The following PPP1R12A variants were observed in gnomAD, a reference collection of about 807,000 sequenced individuals.
PPP1R12A encodes protein phosphatase 1 regulatory subunit 12A, also known as myosin binding subunit.
PPP1R12A carries 19 observed loss-of-function variants against 139.6 expected under a neutral mutation model. That is an observed-to-expected ratio of 0.14 (90% CI 0.09 to 0.20). The LOEUF (loss-of-function observed/expected upper bound fraction) is 0.20, where lower values mean the gene tolerates loss of function less well. PPP1R12A is among the 10% of genes least tolerant of loss of function. The pLI is 1.00. For missense variants in PPP1R12A, 925 were observed against 1,211.5 expected, an observed-to-expected ratio of 0.76 and a Z score of 3.51; for synonymous variants, 427 against 420.6, an observed-to-expected ratio of 1.02 and a Z score of -0.19.
At chr12:79,799,315 A>AT (rs1208806713) in intron 14 of PPP1R12A, among the ~76,000 whole-genome samples, 1 of 151,944 alleles carries the variant, frequency 6.6e-6, no homozygotes, top group Non-Finnish European at 1.5e-5. Flanking sequence ...CGCCCGACTA[A>AT]TTTTTTTATT....
chr12:79,792,053 G>T (rs999575845), intron 19 of PPP1R12A, among the ~76,000 whole-genome samples: 1 of 152,044 alleles, frequency 6.6e-6, no homozygotes, highest in South Asian at 2.1e-4. Context: ...CTATGGTATT[G>T]TAAAGTTCAC....
intron 1 of PPP1R12A, among the ~76,000 whole-genome samples, chr12:79,885,579 A>T (rs1341738866): frequency 6.6e-6 from 1 of 152,134 alleles, no homozygotes; most frequent in Non-Finnish European, 1.5e-5. Context: ...GCCCTAAGAA[A>T]ATCTTAGGGA....
intron 3 of PPP1R12A, among the ~76,000 whole-genome samples, chr12:79,834,542 G>C (rs776290943): frequency 2.3e-4 from 35 of 152,172 alleles, no homozygotes; most frequent in Non-Finnish European, 4.3e-4. Context: ...GGCTTACCAA[G>C]AGAATTTGCT....
intron 24 of PPP1R12A, chr12:79,777,451 C>T (rs1459994194): frequency 7.1e-6 from 7 of 984,976 alleles, no homozygotes; most frequent in African/African-American, 5.2e-5. Flanking sequence ...TGAGCTCTTA[C>T]AAAACACGCC....
At chr12:79,905,536 A>G (rs1020090318) in intron 1 of PPP1R12A, among the ~76,000 whole-genome samples, 20 of 152,196 alleles carry the variant, frequency 1.3e-4, no homozygotes, top group Admixed American at 1.2e-3. Context: ...TGTTCTTTTC[A>G]GTTGCCTTCC....
chr12:79,832,454 C>G lies in PPP1R12A; in HGVS notation c.525G>C (p.Arg175=). The G allele has an allele frequency of 6.2e-7, 1 of 1,612,140 alleles. No homozygotes were observed. The change falls in exon 4 of 25, where the codon CGG becomes CGC. Residue 175 remains arginine, a synonymous_variant. Transcript: ENST00000450142. ...ACTGCCTGGCATCTCTAAGCATGAT[C>G]CGTTCTTCTTCCTTTCGAGCTGCTT... ...DIEAARKEEE[R]IMLRDARQWL... is the part of the protein sequence containing the mutation.
intron 1 of PPP1R12A, among the ~76,000 whole-genome samples, chr12:79,874,599 T>A (rs557709906): frequency 6.6e-6 from 1 of 152,178 alleles, no homozygotes; most frequent in African/African-American, 2.4e-5. Context: ...TTAATACATA[T>A]AACCTGCAGA....
intron 2 of PPP1R12A, among the ~76,000 whole-genome samples, chr12:79,852,591 T>C (rs1880184486): frequency 6.6e-6 from 1 of 152,174 alleles, no homozygotes; most frequent in African/African-American, 2.4e-5. Flanking sequence ...TTGATTTTGC[T>C]CCAGCAGATG....
intron 8 of PPP1R12A, chr12:79,818,644 A>C (rs573953126): frequency 7.9e-5 from 12 of 152,326 alleles, no homozygotes; most frequent in Non-Finnish European, 1.8e-4. Flanking sequence ...AAAGAACCCT[A>C]AAAGCAAAAA....
intron 1 of PPP1R12A, among the ~76,000 whole-genome samples, chr12:79,873,370 G>T (rs1289870571): frequency 6.6e-6 from 1 of 151,798 alleles, no homozygotes; most frequent in Non-Finnish European, 1.5e-5. Flanking sequence ...TTGTTGACAT[G>T]TACACGTGAT....
At chr12:79,851,884 T>C (rs1023898367) in intron 2 of PPP1R12A, among the ~76,000 whole-genome samples, 2 of 152,226 alleles carry the variant, frequency 1.3e-5, no homozygotes, top group African/African-American at 4.8e-5. Flanking sequence ...GTCATTCTTC[T>C]ATTTCCTCCA....
intron 1 of PPP1R12A, among the ~76,000 whole-genome samples, chr12:79,919,340 A>G (rs1887252871): frequency 6.6e-6 from 1 of 151,952 alleles, no homozygotes; most frequent in Non-Finnish European, 1.5e-5. Flanking sequence ...GCGGATCACG[A>G]GGTCAGGAGT....
upstream of PPP1R12A, chr12:79,935,458 C>G (rs1043362859): frequency 2.0e-6 from 2 of 987,742 alleles, no homozygotes; most frequent in African/African-American, 3.5e-5. Flanking sequence ...GCAGATCTGC[C>G]TCCCGTGCTG....
intron 24 of PPP1R12A, chr12:79,777,735 T>G: frequency 1.9e-5 from 15 of 772,552 alleles, no homozygotes; most frequent in Non-Finnish European, 2.0e-5. Flanking sequence ...TCACAGGTAA[T>G]TTTTTAAAAA....
At chr12:79,792,901 C>T (rs990743131) in intron 19 of PPP1R12A, among the ~76,000 whole-genome samples, 6 of 152,138 alleles carry the variant, frequency 3.9e-5, no homozygotes, top group Non-Finnish European at 8.8e-5. Context: ...AACCAATTCA[C>T]TCCTCATTGT....
intron 9 of PPP1R12A, among the ~76,000 whole-genome samples, chr12:79,816,341 G>A (rs1381736335): frequency 2.0e-5 from 3 of 151,974 alleles, no homozygotes. Context: ...CTTGTACTAG[G>A]AGATACATAC....
intron 5 of PPP1R12A, among the ~76,000 whole-genome samples, chr12:79,824,483 C>T (rs541340255): frequency 6.6e-6 from 1 of 152,262 alleles, no homozygotes; most frequent in South Asian, 2.1e-4. Flanking sequence ...AATTGGATCA[C>T]TCTACTAACC....
At chr12:79,889,542 C>T (rs879057601) in intron 1 of PPP1R12A, among the ~76,000 whole-genome samples, 1 of 152,106 alleles carries the variant, frequency 6.6e-6, no homozygotes, top group Non-Finnish European at 1.5e-5. Context: ...TGGTTTACAA[C>T]ATTTGTACTG....
intron 1 of PPP1R12A, among the ~76,000 whole-genome samples, chr12:79,919,997 G>T (rs1887314882): frequency 6.6e-6 from 1 of 152,162 alleles, no homozygotes; most frequent in African/African-American, 2.4e-5. Context: ...ACCCTAAAAA[G>T]TTGTACCCAT....
Sources: allele counts gnomAD v4.1 joint callset (sites outside exome capture counted in the v4.1 genomes callset), GRCh38; gene constraint gnomAD v4.1.1; transcripts MANE v1.5; gene names NCBI Gene and HGNC (gene_info 2026-07-23, HGNC 2026-07-21).